Variants in ANO10 observed in about 807,000 individuals in gnomAD.
ANO10 encodes anoctamin-10.
In ANO10, 77 loss-of-function variants were observed where a neutral mutation model predicts 74.7. That is an observed-to-expected ratio of 1.03 (90% confidence interval 0.86 to 1.25). The LOEUF is 1.25. Among genes scored for constraint, ANO10 ranks in the 50% most tolerant of loss-of-function variants. ANO10 has a pLI of 0.00. For missense variants in ANO10, 721 were observed against 778.1 expected, an observed-to-expected ratio of 0.93 and a Z score of 0.87; for synonymous variants, 279 against 284.9, an observed-to-expected ratio of 0.98 and a Z score of 0.21.
At chr3:43,464,298 G>T (rs1368490623) in intron 11 of ANO10, among the ~76,000 whole-genome samples, 1 of 152,104 alleles carries the variant, frequency 6.6e-6, no homozygotes, top group Non-Finnish European at 1.5e-5. Flanking sequence ...TCTCTCATTG[G>T]TATAGACGTA....
rs1381535201 is a variant in ANO10 at position 43,680,868 on chromosome 3, A to G, written c.-12+10649T>C. On this transcript the variant is annotated intron_variant, in intron 1 of 3. Coordinates refer to the ANO10 transcript ENST00000413397. ...AGGACAAATAAAATCCTTTACAGAC[A>G]AGCAAATGCTGAGAGATTTTGTCAC... is the stretch of plus-strand genomic sequence containing the variant. 4.6e-5 allele frequency among the ~76,000 whole-genome samples: 7 copies of G among 152,334 alleles called. No individual in the cohort carries two copies. The East Asian group carries it at 1.2e-3, about 25-fold the overall frequency.
At chr3:43,549,146 A>G (rs906208395) in intron 11 of ANO10, among the ~76,000 whole-genome samples, 2 of 151,990 alleles carry the variant, frequency 1.3e-5, no homozygotes, top group South Asian at 4.2e-4. Flanking sequence ...TCTGTTGCCC[A>G]GGCTGGAGTG....
intron 11 of ANO10, among the ~76,000 whole-genome samples, chr3:43,483,768 G>C (rs2076360454): frequency 6.6e-6 from 1 of 152,136 alleles, no homozygotes; most frequent in Admixed American, 6.5e-5. Flanking sequence ...ATACATGGAA[G>C]GTGTACATTG....
In ANO10 at chr3:43,548,224, C is replaced by A. The variant is rs149351138; in HGVS notation, c.1797+1496G>T. Among the ~76,000 whole-genome samples the A allele has an allele frequency of 1.4e-4, 22 of 152,276 alleles. No individual in the cohort carries two copies. The East Asian group carries it at 3.3e-3, about 23-fold the overall frequency. Reference sequence around the variant, plus strand: ...AAGCCTTTAATTAACTCTGAGTATACTGGCAAAGACAAATTTTTAGATCTG... The same window carrying A: ...AAGCCTTTAATTAACTCTGAGTATAATGGCAAAGACAAATTTTTAGATCTG... On this transcript the variant is annotated intron_variant, in intron 11 of 12. Transcript: ENST00000292246.
At chr3:43,528,063 C>T (rs879629786) in intron 11 of ANO10, among the ~76,000 whole-genome samples, 4 of 151,962 alleles carry the variant, frequency 2.6e-5, no homozygotes, top group Admixed American at 1.3e-4. Flanking sequence ...AGAAGATACT[C>T]GTTAAAAGAA....
At chr3:43,458,111 T>C (rs968302598) in intron 11 of ANO10, among the ~76,000 whole-genome samples, 1 of 152,220 alleles carries the variant, frequency 6.6e-6, no homozygotes, top group African/African-American at 2.4e-5. Context: ...CCTAGCTTGT[T>C]AACCTATAAA....
intron 1 of ANO10, among the ~76,000 whole-genome samples, chr3:43,669,193 A>C (rs2084026414): frequency 6.6e-6 from 1 of 151,574 alleles, no homozygotes; most frequent in South Asian, 2.1e-4. Context: ...CTCTGGAAAA[A>C]CCCCAGGAGA....
chr3:43,597,938 C>CA (rs1359962770), intron 4 of ANO10, among the ~76,000 whole-genome samples: 1 of 151,288 alleles, frequency 6.6e-6, no homozygotes, highest in African/African-American at 2.4e-5. Flanking sequence ...AAAACAACAA[C>CA]AACAACAAAA....
chr3:43,593,575 C>G (rs1442817403), intron 4 of ANO10, among the ~76,000 whole-genome samples: 1 of 152,130 alleles, frequency 6.6e-6, no homozygotes, highest in Non-Finnish European at 1.5e-5. Flanking sequence ...ATTTTGTCAC[C>G]ACCAGGCCTG....
intron 1 of ANO10, among the ~76,000 whole-genome samples, chr3:43,655,535 C>T (rs1054467819): frequency 2.0e-5 from 3 of 152,222 alleles, no homozygotes; most frequent in Non-Finnish European, 4.4e-5. Context: ...CTTTTATTCT[C>T]TTATGTGGCC....
In ANO10 at chr3:43,576,807, G is replaced by A. The variant is rs768362659; in HGVS notation, c.1047C>T (p.Asn349=). 1.2e-6 allele frequency: 2 copies of A among 1,614,188 alleles called. No homozygotes were observed. Among genetic ancestry groups the A allele is most frequent in the Admixed American group, 3.3e-5 (2 of 60,010 alleles). Residue 349 remains asparagine, a synonymous_variant, in exon 6 of 13, where the codon AAC becomes AAT. Coordinates refer to ENST00000292246, the MANE Select transcript of ANO10 (RefSeq NM_018075.5). ...GGACACTGGTCCACTCAGACCCGCT[G>A]TTCTCATGTAGACCCAAGGCCCAAA... is the stretch of plus-strand genomic sequence containing the variant. The part of the protein sequence containing the change: ...MEVWALGLHE[N]SGSEWTSVLL...
intron 5 of ANO10, 149 bp downstream of exon 5, chr3:43,580,204 C>T: frequency 1.8e-6 from 2 of 1,092,804 alleles, no homozygotes; most frequent in Non-Finnish European, 2.8e-6. Flanking sequence ...ATCTTATTCC[C>T]TCCATCAAAA....
chr3:43,385,263 A>G lies in ANO10; in HGVS notation c.1915-18289T>C, dbSNP rs184325217. Among the ~76,000 whole-genome samples, 282 of 152,264 alleles carry G rather than the reference A, an allele frequency of 1.9e-3. 1 individual carries two copies. Among genetic ancestry groups the G allele is most frequent in the African/African-American group, 6.5e-3 (268 of 41,548 alleles). ...CATAATCAAAAAATAAAAAGTAATAAATGTTGGCATGAATACAGTGAAAAG... is the reference window on the plus strand; with the variant it reads ...CATAATCAAAAAATAAAAAGTAATAGATGTTGGCATGAATACAGTGAAAAG... On this transcript the variant is annotated intron_variant, in intron 12 of 12. Transcript: ENST00000292246.
At chr3:43,655,446 T>C (rs564060086) in intron 1 of ANO10, among the ~76,000 whole-genome samples, 26 of 152,356 alleles carry the variant, frequency 1.7e-4, no homozygotes, top group South Asian at 6.2e-4. Context: ...CAAGATTTAT[T>C]GCAAAGAGCG....
intron 11 of ANO10, among the ~76,000 whole-genome samples, chr3:43,432,981 G>T (rs536467685): frequency 3.9e-5 from 2 of 51,104 alleles, no homozygotes; most frequent in African/African-American, 1.2e-4. Context: ...TTTTGAGACC[G>T]AGTTTCATTC....
In ANO10 at chr3:43,488,014, G is replaced by A. The variant is rs534491040; in HGVS notation, c.1798-55287C>T. Among the ~76,000 whole-genome samples the A allele has an allele frequency of 2.5e-3, 388 of 152,160 alleles. 2 individuals carry two copies. Among genetic ancestry groups the A allele is most frequent in the African/African-American group, 7.3e-3 (301 of 41,486 alleles). ...GAACAGAGCCCTCACAAATAACGCCGCGTATCTACAACTATCTGATCTTTG... is the reference window on the plus strand; with the variant it reads ...GAACAGAGCCCTCACAAATAACGCCACGTATCTACAACTATCTGATCTTTG... On this transcript the variant is annotated intron_variant, in intron 11 of 12. Transcript: ENST00000292246.
At chr3:43,530,079 A>C (rs2149245371) in intron 11 of ANO10, among the ~76,000 whole-genome samples, 1 of 152,288 alleles carries the variant, frequency 6.6e-6, no homozygotes, top group African/African-American at 2.4e-5. Flanking sequence ...AGATATACTA[A>C]GGAAAAATAG....
chr3:43,668,276 G>A (rs1398673612), intron 1 of ANO10, among the ~76,000 whole-genome samples: 1 of 151,482 alleles, frequency 6.6e-6, no homozygotes, highest in East Asian at 1.9e-4. Flanking sequence ...CATTTTTATG[G>A]GATTGTTTTT....
intron 11 of ANO10, among the ~76,000 whole-genome samples, chr3:43,490,200 C>T (rs1043799006): frequency 6.6e-6 from 1 of 152,194 alleles, no homozygotes; most frequent in African/African-American, 2.4e-5. Flanking sequence ...TGGCCTCCCT[C>T]TTTCTGATAA....
Sources: allele counts gnomAD v4.1 joint callset (sites outside exome capture counted in the v4.1 genomes callset), GRCh38; gene constraint gnomAD v4.1.1; transcripts MANE v1.5; gene names NCBI Gene and HGNC (gene_info 2026-07-23, HGNC 2026-07-21).